FAM13B: variants seen among roughly 807,000 people sequenced by gnomAD.
FAM13B encodes the protein protein FAM13B.
Under a neutral mutation model 117.3 loss-of-function variants are expected in FAM13B, and 60 were observed. The observed-to-expected ratio is 0.51, with a 90% CI of 0.42 to 0.63. The LOEUF is 0.63. Among genes scored for constraint, FAM13B ranks in the 30% least tolerant of loss-of-function variants. The pLI, the probability that FAM13B is intolerant of heterozygous loss-of-function variation, is 0.00. For missense variants in FAM13B, 972 were observed against 1,091.9 expected (o/e 0.89, Z 1.55); for synonymous variants, 332 against 356.1 (o/e 0.93, Z 0.76).
intron 1 of FAM13B, among the ~76,000 whole-genome samples, chr5:138,027,465 C>T (rs1277672234): frequency 2.6e-5 from 4 of 152,204 alleles, no homozygotes; most frequent in Non-Finnish European, 5.9e-5. Context: ...CTGCTCTAGA[C>T]ATTCAGCTTC....
chr5:137,980,628 C>A (rs181338179), intron 10 of FAM13B, among the ~76,000 whole-genome samples: 6 of 151,874 alleles, frequency 4.0e-5, no homozygotes, highest in Non-Finnish European at 8.8e-5. Flanking sequence ...TTTGTAGAGA[C>A]GGGGTTTCAC....
At position 138,044,747 on chromosome 5, in the gene FAM13B, A is replaced by G. The variant is rs1445167084; in HGVS notation, c.-203+7131T>C. ...TTCAACCCAAAAAGGACTACTATCTACATGATATAGAGAACTTCTGGAAAT... is the reference window on the plus strand; with the variant it reads ...TTCAACCCAAAAAGGACTACTATCTGCATGATATAGAGAACTTCTGGAAAT... On this transcript the variant is annotated intron_variant, in intron 1 of 3. Coordinates refer to the FAM13B transcript ENST00000502471. 6.6e-5 allele frequency among the ~76,000 whole-genome samples: 10 copies of G among 152,354 alleles called. No individual in the cohort carries two copies. The East Asian group carries it at 1.5e-3, about 23-fold the overall frequency.
intron 15 of FAM13B, 119 bp downstream of exon 15, chr5:137,954,047 T>C (rs1344395514): frequency 5.4e-6 from 3 of 552,406 alleles, no homozygotes; most frequent in Admixed American, 3.5e-5. Flanking sequence ...CTCTCTTTTT[T>C]TTTTTTTTTT....
rs1761210669 is a variant in FAM13B, at chr5:137,940,154, G to A, written c.*71C>T. Reference sequence around the variant, plus strand: ...CCTGACAAAACGAATTTAAGTACCAGCCAAGTACACACGATGATAGCTTCA... The same window carrying A: ...CCTGACAAAACGAATTTAAGTACCAACCAAGTACACACGATGATAGCTTCA... On this transcript the variant is annotated 3_prime_UTR_variant, in exon 24 of 24. Coordinates refer to ENST00000689681, the MANE Select transcript of FAM13B (RefSeq NM_001385994.1). 6.2e-7 allele frequency: 1 copy of A among 1,613,324 alleles called. No individual in the cohort carries two copies. Among genetic ancestry groups the A allele is most frequent in the Non-Finnish European group, 8.5e-7 (1 of 1,179,404 alleles).
At chr5:138,023,725 C>T (rs1787418927) in intron 1 of FAM13B, among the ~76,000 whole-genome samples, 1 of 152,144 alleles carries the variant, frequency 6.6e-6, no homozygotes, top group Non-Finnish European at 1.5e-5. Context: ...TGGGCCACCA[C>T]ACCCGGCTAA....
At chr5:137,971,549 G>A (rs1030478193) in intron 10 of FAM13B, among the ~76,000 whole-genome samples, 1 of 149,776 alleles carries the variant, frequency 6.7e-6, no homozygotes, top group African/African-American at 2.5e-5. Flanking sequence ...ACAATTAAAA[G>A]AACTAGAAAA....
At chr5:137,987,326 T>C (rs1777490021) in intron 9 of FAM13B, 135 bp downstream of exon 9, 4 of 698,596 alleles carry the variant, frequency 5.7e-6, no homozygotes, top group Non-Finnish European at 2.3e-6. Flanking sequence ...TACAAGTATA[T>C]ATACAAAGTC....
chr5:137,974,488 T>C (rs1372007656), intron 10 of FAM13B, among the ~76,000 whole-genome samples: 130 of 136,774 alleles, frequency 9.5e-4, no homozygotes, highest in African/African-American at 2.8e-3. Context: ...AGGGATAGCA[T>C]TGGGAGATAT....
At chr5:137,966,488 T>TATATATATAGAGAGAGAG (rs1461425784) in intron 10 of FAM13B, among the ~76,000 whole-genome samples, 3 of 29,482 alleles carry the variant, frequency 1.0e-4, no homozygotes, top group African/African-American at 1.3e-4. Context: ...TATATATATA[T>TATATATATAGAGAGAGAG]AGAGAGAGAG....
chr5:138,033,108 G>T (rs1301842511), upstream of FAM13B: 1 of 943,894 alleles, frequency 1.1e-6, no homozygotes, highest in Non-Finnish European at 1.3e-6. Context: ...CGGACGTGAC[G>T]TGCGTGGGAG....
intron 10 of FAM13B, among the ~76,000 whole-genome samples, chr5:137,982,218 G>C (rs1048379299): frequency 6.6e-6 from 1 of 152,148 alleles, no homozygotes; most frequent in African/African-American, 2.4e-5. Context: ...GATGGCAGTA[G>C]AAACAGTAAA....
chr5:138,015,473 T>C (rs976748304), intron 4 of FAM13B, among the ~76,000 whole-genome samples: 9 of 152,200 alleles, frequency 5.9e-5, no homozygotes, highest in African/African-American at 2.2e-4. Context: ...GAGGCCAAGG[T>C]GGGCAGATCA....
chr5:137,968,655 C>T (rs966114810), intron 10 of FAM13B, among the ~76,000 whole-genome samples: 5 of 152,066 alleles, frequency 3.3e-5, no homozygotes, highest in African/African-American at 4.8e-5. Flanking sequence ...CCAGCGTGAG[C>T]GACGCAAAAG....
At chr5:137,980,743 T>C (rs895132654) in intron 10 of FAM13B, among the ~76,000 whole-genome samples, 13 of 152,142 alleles carry the variant, frequency 8.5e-5, no homozygotes, top group African/African-American at 3.1e-4. Flanking sequence ...CCCAGCCTAA[T>C]ACACCAATTT....
chr5:137,946,041 A>G (rs745644540), intron 19 of FAM13B, 44 bp from the exon 20 acceptor site: 1 of 1,495,262 alleles, frequency 6.7e-7, no homozygotes, highest in Non-Finnish European at 9.2e-7. Flanking sequence ...TCACAAATCT[A>G]AAATGTCCAA....
At chr5:138,010,066 C>T (rs945797694) in intron 6 of FAM13B, among the ~76,000 whole-genome samples, 1 of 151,972 alleles carries the variant, frequency 6.6e-6, no homozygotes, top group South Asian at 2.1e-4. Flanking sequence ...CTGCAACCTC[C>T]GCCTCCCAGG....
rs1317654505 is a variant in FAM13B, at chr5:138,007,075, C to T, written c.763G>A (p.Ala255Thr). Residue 255 changes from alanine to threonine, a missense_variant, in exon 7 of 24, where the codon GCA becomes ACA. Physicochemically the swap from Ala to Thr is moderately conservative, Grantham distance 58. Transcript: ENST00000689681. ...EHIEELPEEG[A>T]EKSNDMPEVV... ...TCTGGCATGTCATTTGATTTTTCTG[C>T]ACCCTCTTCTGGAAGTTCTTCAATA... 1 of 1,613,512 alleles carries T rather than the reference C, an allele frequency of 6.2e-7. No individual in the cohort carries two copies. The highest frequency in any genetic ancestry group is 8.5e-7 in the Non-Finnish European group (1 of 1,179,826).
At chr5:138,008,894 G>C (rs1245040824) in intron 6 of FAM13B, among the ~76,000 whole-genome samples, 3 of 152,210 alleles carry the variant, frequency 2.0e-5, no homozygotes, top group Admixed American at 1.3e-4. Flanking sequence ...TTTAATCCCA[G>C]AACTTTGGGA....
At chr5:137,949,798 C>A (rs1486591354) in intron 17 of FAM13B, among the ~76,000 whole-genome samples, 4 of 130,164 alleles carry the variant, frequency 3.1e-5, no homozygotes, top group Non-Finnish European at 3.3e-5. Flanking sequence ...GACTCTGTCT[C>A]AAAAAAAAAA....
Sources: gnomAD v4.1 joint callset for allele counts (sites outside exome capture counted in the v4.1 genomes callset) on GRCh38, gnomAD v4.1.1 for gene constraint, MANE v1.5 for transcripts, NCBI Gene and HGNC (gene_info 2026-07-23, HGNC 2026-07-21) for gene names.